The following PCDHGA2 variants were observed in gnomAD, a reference collection of about 807,000 sequenced individuals.
PCDHGA2 encodes the protein protocadherin gamma-A2.
A neutral mutation model predicts 59.2 loss-of-function variants in PCDHGA2; 40 were observed. That is an observed-to-expected ratio of 0.68 (90% CI 0.52 to 0.88). The LOEUF (loss-of-function observed/expected upper bound fraction) is 0.88. Among genes scored for constraint, PCDHGA2 ranks in the 40% least tolerant of loss-of-function variants. The pLI is 0.00. For missense variants in PCDHGA2, 1,226 were observed against 1,204.0 expected, an observed-to-expected ratio of 1.02 and a Z score of -0.27; for synonymous variants, 560 against 526.0, an observed-to-expected ratio of 1.06 and a Z score of -0.89.
intron 1 of PCDHGA2, chr5:141,433,358 C>CCCAT (rs1554125967): frequency 7.1e-5 from 36 of 503,934 alleles, no homozygotes; most frequent in African/African-American, 1.2e-4. Flanking sequence ...CTACTGTCTG[C>CCCAT]CTATCTATCT....
chr5:141,398,683 C>A, intron 1 of PCDHGA2: 1 of 1,613,914 alleles, frequency 6.2e-7, no homozygotes, highest in Non-Finnish European at 8.5e-7. Flanking sequence ...TAAGGAGAAA[C>A]AGGATGGTAG....
At chr5:141,458,563 G>T (rs1181785251) in intron 1 of PCDHGA2, among the ~76,000 whole-genome samples, 1 of 140,116 alleles carries the variant, frequency 7.1e-6, no homozygotes, top group Non-Finnish European at 1.5e-5. Context: ...TTTTGGTTTT[G>T]GGTTTTTGTT....
At chr5:141,418,127 A>T in intron 1 of PCDHGA2, 1 of 1,614,104 alleles carries the variant, frequency 6.2e-7, no homozygotes, top group Non-Finnish European at 8.5e-7. Context: ...GAAGGACCGA[A>T]TAGACCGTGA....
rs563145930 is a variant in PCDHGA2 at position 141,392,984 on chromosome 5, GA to G, written c.2424+51591del. 408 of 1,613,914 alleles carry G rather than the reference GA, an allele frequency of 2.5e-4. 2 individuals carry two copies. In the African/African-American group the frequency reaches 4.6e-3, roughly 18 times the overall value. On this transcript the variant is annotated intron_variant, in intron 1 of 3. Transcript: ENST00000394576. The stretch of plus-strand genomic sequence containing the variant: ...CCAAGGACCTGGGGCTGGACCCCCG[GA>G]AGCTGGCGAAGCACGGAGTCCGTAT...
In PCDHGA2 at chr5:141,357,109, G is replaced by A. The variant is rs1023003199; in HGVS notation, c.2424+15714G>A. The A allele has an allele frequency of 6.2e-7, 1 of 1,613,832 alleles. No homozygotes were observed. The highest frequency in any genetic ancestry group is 8.5e-7 in the Non-Finnish European group (1 of 1,179,948). On this transcript the variant is annotated intron_variant, in intron 1 of 3. Transcript: ENST00000394576. ...CGCACGGGCCCTGCTGGACAGAGAC[G>A]CGCTCAAGCAGAGGCTTGTAGTGGT...
At chr5:141,400,766 C>T in intron 1 of PCDHGA2, 1 of 577,074 alleles carries the variant, frequency 1.7e-6, no homozygotes, top group South Asian at 2.3e-5. Context: ...CTAGCAAAAA[C>T]ATTTGGTGCG....
Position 141,476,383 on chromosome 5 carries a change from C to T in PCDHGA2, c.2425-18424C>T, listed in dbSNP as rs547854431. The T allele has an allele frequency of 6.2e-7, 1 of 1,613,984 alleles. No homozygotes were observed. The highest frequency in any genetic ancestry group is 8.5e-7 in the Non-Finnish European group (1 of 1,180,044). On this transcript the variant is annotated intron_variant, in intron 1 of 3. Coordinates refer to ENST00000394576, the MANE Select transcript of PCDHGA2 (RefSeq NM_018915.4). This position sits in a 1 kb window ranked among gnomAD's most constrained non-coding sequence, Gnocchi z 7.6. ...GGGAGACCGGAGAGATGTTTGTGAA[C>T]GACCGTCTGGATCGAGAGGAGCTGT...
At chr5:141,379,494 T>C (rs1469467454) in intron 1 of PCDHGA2, 2 of 152,242 alleles carry the variant, frequency 1.3e-5, no homozygotes, top group Non-Finnish European at 2.9e-5. Context: ...ATACTACCAA[T>C]TTGGGATGTT....
Position 141,340,785 on chromosome 5 carries a change from CT to C in PCDHGA2, c.1816del (p.Tyr606ThrfsTer127), listed in dbSNP as rs1756983447. 1.9e-6 allele frequency: 3 copies of C among 1,613,750 alleles called. No homozygotes were observed. Among genetic ancestry groups the C allele is most frequent in the Admixed American group, 1.7e-5 (1 of 60,002 alleles). On this transcript the variant is annotated frameshift_variant, in exon 1 of 4. Coordinates refer to ENST00000394576, the MANE Select transcript of PCDHGA2 (RefSeq NM_018915.4). LOFTEE classifies it high-confidence loss of function. ...GACTCGGGCCAGAACGCCTGGCTGT[CT>C]TACCACCTGCTCAAGGCCAGCGAGC... ...DRDSGQNAWLSYHLLKASEPG... is the reference protein window; with the variant it reads ...DRDSGQNAWLXYHLLKASEPG...
chr5:141,393,752 AT>A, intron 1 of PCDHGA2: 1 of 1,613,942 alleles, frequency 6.2e-7, no homozygotes, highest in Non-Finnish European at 8.5e-7. Flanking sequence ...AAGAATGTTC[AT>A]TTTATGAAAT....
At position 141,476,675 on chromosome 5, in the gene PCDHGA2, C is replaced by T. The variant is rs2099395961; in HGVS notation, c.2425-18132C>T. On this transcript the variant is annotated intron_variant, in intron 1 of 3. Transcript: ENST00000394576. The surrounding 1 kb of genome is among the most constrained non-coding windows in gnomAD (Gnocchi z 7.6). ...ATACTTTGCGCTTCGCGTGCAGACG[C>T]GGGAGGACAGCACCAAGTACGCGGA... 1.2e-6 allele frequency: 2 copies of T among 1,614,124 alleles called. No homozygotes were observed. The highest frequency in any genetic ancestry group is 8.5e-7 in the Non-Finnish European group (1 of 1,180,062).
At chr5:141,352,739 C>A (rs765878578) in intron 1 of PCDHGA2, 129 of 1,476,434 alleles carry the variant, frequency 8.7e-5, no homozygotes, top group Non-Finnish European at 1.1e-4. Context: ...CCTGTAATCC[C>A]AGCACTTAAC....
intron 1 of PCDHGA2, chr5:141,352,342 G>T: frequency 6.2e-7 from 1 of 1,614,068 alleles, no homozygotes. Flanking sequence ...CCTTGGCCTT[G>T]ATCTCAGTGC....
intron 1 of PCDHGA2, chr5:141,375,467 C>A: frequency 6.2e-7 from 1 of 1,614,008 alleles, no homozygotes; most frequent in Non-Finnish European, 8.5e-7. Flanking sequence ...AGTCTATGTC[C>A]TTGAAAACAA....
chr5:141,383,234 A>G, intron 1 of PCDHGA2: 2 of 1,613,960 alleles, frequency 1.2e-6, no homozygotes, highest in Non-Finnish European at 1.7e-6. Flanking sequence ...CTGATGGAAG[A>G]TAAAATGAAT....
chr5:141,341,779 C>A (rs1561484788), intron 1 of PCDHGA2: 1 of 344,910 alleles, frequency 2.9e-6, no homozygotes, highest in African/African-American at 2.1e-5. Flanking sequence ...CAAGTCCTTT[C>A]TTCTTTTAAG....
At chr5:141,405,104 C>T in intron 1 of PCDHGA2, 1 of 1,613,940 alleles carries the variant, frequency 6.2e-7, no homozygotes, top group Non-Finnish European at 8.5e-7. Flanking sequence ...CAGGCTGAGG[C>T]ACTGGCACTC....
At position 141,417,952 on chromosome 5, in the gene PCDHGA2, G is replaced by C. The variant is rs766243694; in HGVS notation, c.2424+76557G>C. 10 of 1,613,510 alleles carry C rather than the reference G, an allele frequency of 6.2e-6. No individual in the cohort carries two copies. In the African/African-American group the frequency reaches 1.3e-4, roughly 22 times the overall value. On this transcript the variant is annotated intron_variant, in intron 1 of 3. Coordinates refer to ENST00000394576, the MANE Select transcript of PCDHGA2 (RefSeq NM_018915.4). ...CTTTGTTCTACCCCACGCTGTGTGA[G>C]CCGATCCGCTACTCGATTCCGGAGG...
In PCDHGA2 at chr5:141,339,145, A is replaced by G; in HGVS notation, c.174A>G (p.Ala58=). ...AGGACTTGGGTTTGGAGCCCCTGGCACTGGCAGAGCAGGGAGTCCGCATCG... is the reference window on the plus strand; with the variant it reads ...AGGACTTGGGTTTGGAGCCCCTGGCGCTGGCAGAGCAGGGAGTCCGCATCG... ...IAKDLGLEPL[A]LAEQGVRIVS... Residue 58 remains alanine (A), a synonymous_variant, in exon 1 of 4, where the codon GCA becomes GCG. Transcript: ENST00000394576. The G allele has an allele frequency of 1.2e-6, 2 of 1,614,210 alleles. No individual in the cohort carries two copies. Among genetic ancestry groups the G allele is most frequent in the Non-Finnish European group, 1.7e-6 (2 of 1,180,012 alleles).
Sources: gnomAD v4.1 joint callset for allele counts (sites outside exome capture counted in the v4.1 genomes callset) on GRCh38, gnomAD v4.1.1 for gene constraint, Gnocchi (gnomAD v3.1) non-coding constraint, MANE v1.5 for transcripts, NCBI Gene and HGNC (gene_info 2026-07-23, HGNC 2026-07-21) for gene names.